The following PLEKHM3 variants were observed in gnomAD, a reference collection of about 807,000 sequenced individuals.
The protein encoded by PLEKHM3 is pleckstrin homology domain-containing family M member 3.
In PLEKHM3, 45 loss-of-function variants were observed where a neutral mutation model predicts 81.8. That is an observed-to-expected ratio of 0.55 (90% CI 0.43 to 0.71). The LOEUF is 0.71. Among genes scored for constraint, PLEKHM3 ranks in the 30% least tolerant of loss-of-function variants. The pLI, the probability that PLEKHM3 is intolerant of heterozygous loss-of-function variation, is 0.00. For missense variants in PLEKHM3, 788 were observed against 924.3 expected (o/e 0.85, Z 1.91); for synonymous variants, 352 against 356.4 (o/e 0.99, Z 0.14).
intron 2 of PLEKHM3, among the ~76,000 whole-genome samples, chr2:207,991,951 C>T (rs1385759604): frequency 1.3e-5 from 2 of 152,178 alleles, no homozygotes; most frequent in African/African-American, 4.8e-5. Context: ...TTTGGCCTTA[C>T]TATTTGTGCC....
intron 3 of PLEKHM3, among the ~76,000 whole-genome samples, chr2:207,961,073 C>G (rs1690714150): frequency 6.6e-6 from 1 of 152,220 alleles, no homozygotes; most frequent in Non-Finnish European, 1.5e-5. Flanking sequence ...AAAAGGCTGG[C>G]TCGGGGCCAT....
intron 6 of PLEKHM3, among the ~76,000 whole-genome samples, chr2:207,880,790 C>CAAA (rs1221176290): frequency 2.4e-4 from 8 of 33,556 alleles, no homozygotes; most frequent in East Asian, 9.4e-4. Flanking sequence ...AAAAAAAAAC[C>CAAA]AAAAAAACAA....
At chr2:207,913,439 C>A (rs1688875153) in intron 5 of PLEKHM3, among the ~76,000 whole-genome samples, 1 of 152,116 alleles carries the variant, frequency 6.6e-6, no homozygotes, top group African/African-American at 2.4e-5. Flanking sequence ...GAGCCAGCAC[C>A]AGGGAAGCCA....
At chr2:207,859,326 C>T (rs555901569) in intron 7 of PLEKHM3, among the ~76,000 whole-genome samples, 11 of 151,582 alleles carry the variant, frequency 7.3e-5, no homozygotes, top group South Asian at 2.1e-4. Context: ...TTAGTAGAGA[C>T]GGGGTTTCTC....
At chr2:207,983,274 A>G (rs1022871227) in intron 2 of PLEKHM3, among the ~76,000 whole-genome samples, 6 of 151,760 alleles carry the variant, frequency 4.0e-5, no homozygotes, top group African/African-American at 1.2e-4. Flanking sequence ...GATGGTCTCA[A>G]TCTCCTGACC....
intron 3 of PLEKHM3, among the ~76,000 whole-genome samples, chr2:207,973,801 G>A (rs1691208003): frequency 2.0e-5 from 3 of 151,954 alleles, no homozygotes; most frequent in African/African-American, 7.3e-5. Flanking sequence ...AAACAACCTG[G>A]TAAACCACAA....
chr2:207,845,090 G>T (rs2092375511), intron 7 of PLEKHM3, among the ~76,000 whole-genome samples: 1 of 152,196 alleles, frequency 6.6e-6, no homozygotes, highest in African/African-American at 2.4e-5. Flanking sequence ...TAGTTGTGAA[G>T]ATGTTTCCTG....
intron 7 of PLEKHM3, among the ~76,000 whole-genome samples, chr2:207,839,520 C>T (rs1195427801): frequency 1.3e-5 from 2 of 152,114 alleles, no homozygotes; most frequent in Non-Finnish European, 1.5e-5. Flanking sequence ...CAATGCTCTT[C>T]AAAGATGGTA....
intron 6 of PLEKHM3, chr2:207,868,930 T>C (rs2092517716): frequency 6.6e-6 from 1 of 152,226 alleles, no homozygotes; most frequent in Admixed American, 6.5e-5. Flanking sequence ...CACATCCATT[T>C]CTTCTGGTAT....
At chr2:207,883,395 C>T (rs192125768) in intron 6 of PLEKHM3, among the ~76,000 whole-genome samples, 2 of 152,334 alleles carry the variant, frequency 1.3e-5, no homozygotes, top group East Asian at 3.9e-4. Context: ...AGCCCCAGCA[C>T]ACAAACTGGT....
chr2:207,978,658 T>G (rs1276117325), intron 2 of PLEKHM3, among the ~76,000 whole-genome samples: 3 of 152,128 alleles, frequency 2.0e-5, no homozygotes, highest in African/African-American at 7.2e-5. Flanking sequence ...CCGTTTTCTC[T>G]CTGAGCCTGA....
intron 3 of PLEKHM3, among the ~76,000 whole-genome samples, chr2:207,962,013 G>C (rs1690752117): frequency 6.6e-6 from 1 of 152,124 alleles, no homozygotes; most frequent in Non-Finnish European, 1.5e-5. Flanking sequence ...CTGATCTCTG[G>C]CAGGGAGCTT....
In PLEKHM3 at chr2:208,001,504, C is replaced by A. The variant is rs1374455518; in HGVS notation, c.136G>T (p.Val46Leu). ...ATGTTACTGAGTACCTCATGCCCCA[C>A]CAGTTCAGGGACTTCCTGGATCCCA... ...VYGIQEVPEL[V>L]GHEVLSNITD... is the part of the protein sequence containing the mutation. The change falls in exon 2 of 8, where the codon GTG (valine) becomes TTG (leucine). Residue 46 changes from valine (V) to leucine (L), a missense_variant. Coordinates refer to ENST00000427836, the MANE Select transcript of PLEKHM3 (RefSeq NM_001080475.3). 1 of 1,614,200 alleles carries A rather than the reference C, an allele frequency of 6.2e-7. No homozygotes were observed. Among genetic ancestry groups the A allele is most frequent in the South Asian group, 1.1e-5 (1 of 91,086 alleles).
intron 6 of PLEKHM3, 55 bp downstream of exon 6, chr2:207,908,459 A>G (rs758270242): frequency 2.1e-5 from 32 of 1,523,800 alleles, no homozygotes; most frequent in Non-Finnish European, 2.8e-5. Flanking sequence ...CAAAGTCAAC[A>G]AAGAGACTTC....
At chr2:207,902,052 C>T (rs1406123987) in intron 6 of PLEKHM3, among the ~76,000 whole-genome samples, 17 of 152,186 alleles carry the variant, frequency 1.1e-4, no homozygotes, top group Non-Finnish European at 5.9e-5. Context: ...GGGATCAGGG[C>T]TGCTGAGAAG....
At chr2:207,968,144 C>CTA (rs543247063) in intron 3 of PLEKHM3, among the ~76,000 whole-genome samples, 321 of 151,954 alleles carry the variant, frequency 2.1e-3, no homozygotes, top group Non-Finnish European at 3.7e-3. Context: ...ACACTAAGTG[C>CTA]TATATAGCAC....
chr2:207,918,955 T>C (rs1230736384), intron 5 of PLEKHM3, among the ~76,000 whole-genome samples: 1 of 152,016 alleles, frequency 6.6e-6, no homozygotes, highest in Non-Finnish European at 1.5e-5. Flanking sequence ...TAAAATACCA[T>C]GTTTAATGGT....
chr2:207,852,041 G>A (rs770142485), intron 7 of PLEKHM3, among the ~76,000 whole-genome samples: 1 of 152,116 alleles, frequency 6.6e-6, no homozygotes, highest in Non-Finnish European at 1.5e-5. Context: ...TTATTGCTCC[G>A]AGTGTAAAGA....
chr2:208,012,099 T>C (rs1692717942), intron 1 of PLEKHM3, among the ~76,000 whole-genome samples: 1 of 152,082 alleles, frequency 6.6e-6, no homozygotes, highest in Non-Finnish European at 1.5e-5. Context: ...TGGAGTCCAG[T>C]GGCACGATCT....
Sources: allele counts gnomAD v4.1 joint callset (sites outside exome capture counted in the v4.1 genomes callset), GRCh38; gene constraint gnomAD v4.1.1; transcripts MANE v1.5; gene names NCBI Gene and HGNC (gene_info 2026-07-23, HGNC 2026-07-21).